Variants in CLIP1 observed in about 807,000 individuals in gnomAD.
The protein encoded by CLIP1 is CAP-Gly domain-containing linker protein 1.
A neutral mutation model predicts 161.6 loss-of-function variants in CLIP1; 66 were observed. That is an observed-to-expected ratio of 0.41 (90% CI 0.33 to 0.50). The LOEUF is 0.50. Ranked by LOEUF, CLIP1 falls within the 20% of genes least tolerant of loss-of-function variation. The probability of loss-of-function intolerance (pLI) is 0.27; values close to 1 mark genes in which losing one functional copy is unlikely to be tolerated. For missense variants in CLIP1, 1,376 were observed against 1,702.0 expected (o/e 0.81, Z 3.37); for synonymous variants, 598 against 626.2 (o/e 0.96, Z 0.67).
intron 21 of CLIP1, among the ~76,000 whole-genome samples, chr12:122,286,476 G>A (rs1264952152): frequency 2.3e-5 from 3 of 129,312 alleles, no homozygotes; most frequent in Non-Finnish European, 4.6e-5. Flanking sequence ...AGCCAAGATC[G>A]CGCCACTGCA....
chr12:122,397,553 CAAAAAAAAAAA>C (rs35589479), intron 1 of CLIP1, among the ~76,000 whole-genome samples: 10 of 66,864 alleles, frequency 1.5e-4, no homozygotes, highest in Middle Eastern at 0.015. Context: ...ACTCCATCTC[CAAAAAAAAAAA>C]AAAAAAAAAA....
chr12:122,356,502 G>C (rs1953371103), intron 5 of CLIP1, among the ~76,000 whole-genome samples: 1 of 152,202 alleles, frequency 6.6e-6, no homozygotes, highest in African/African-American at 2.4e-5. Flanking sequence ...TTGGTGATGA[G>C]AAATCAGATT....
Position 122,279,476 on chromosome 12 carries a change from A to T in CLIP1, c.3648-331T>A. The T allele has an allele frequency of 6.2e-6, 1 of 162,222 alleles. No individual in the cohort carries two copies. The highest frequency in any genetic ancestry group is 1.3e-5 in the Non-Finnish European group (1 of 75,110). 10.0% of individuals were successfully genotyped at this position (162,222 alleles called of 1,614,324 possible). A position where few individuals can be genotyped will look rare whatever the true frequency, so the allele number is the denominator to read the frequency against. On this transcript the variant is annotated intron_variant, in intron 21 of 25. Coordinates refer to ENST00000620786, the MANE Select transcript of CLIP1 (RefSeq NM_001247997.2). This position sits in a 1 kb window ranked among gnomAD's most constrained non-coding sequence, Gnocchi z 4.5. ...TTGCACCCTCCCCAATATTCTACTA[A>T]AATCTAACCCCAAGTTGAAGTTTGT...
At chr12:122,393,153 G>C (rs889502421) in intron 1 of CLIP1, among the ~76,000 whole-genome samples, 4 of 149,184 alleles carry the variant, frequency 2.7e-5, no homozygotes, top group Non-Finnish European at 4.4e-5. Context: ...ATTCACTGCA[G>C]ATTGGCAATC....
chr12:122,353,965 A>C (rs568592484), intron 7 of CLIP1, among the ~76,000 whole-genome samples: 1 of 152,192 alleles, frequency 6.6e-6, no homozygotes, highest in Non-Finnish European at 1.5e-5. Flanking sequence ...CTTATTGAAA[A>C]AAGTCAAATC....
chr12:122,336,302 T>C (rs989607000), intron 12 of CLIP1, among the ~76,000 whole-genome samples: 4 of 151,582 alleles, frequency 2.6e-5, no homozygotes, highest in Non-Finnish European at 5.9e-5. Flanking sequence ...CCTCATTCAA[T>C]ATGAAACCTA....
At chr12:122,354,005 G>C (rs1424460418) in intron 7 of CLIP1, among the ~76,000 whole-genome samples, 1 of 152,152 alleles carries the variant, frequency 6.6e-6, no homozygotes, top group Non-Finnish European at 1.5e-5. Flanking sequence ...CAGTATGGCA[G>C]AGTTCACCTT....
intron 15 of CLIP1, among the ~76,000 whole-genome samples, chr12:122,328,655 G>A (rs1034102553): frequency 1.3e-5 from 2 of 152,088 alleles, no homozygotes; most frequent in East Asian, 1.9e-4. Context: ...CATGATCTCC[G>A]CTCACTGCAA....
chr12:122,315,927 C>A (rs1368472714), intron 19 of CLIP1, among the ~76,000 whole-genome samples: 7 of 151,962 alleles, frequency 4.6e-5, no homozygotes, highest in Non-Finnish European at 1.5e-5. Flanking sequence ...AGGCATGAAC[C>A]ACCGTGCCTG....
rs534743396 is a variant in CLIP1, at chr12:122,316,353, G to A, written c.3473+396C>T. Among the ~76,000 whole-genome samples the A allele has an allele frequency of 5.3e-5, 8 of 152,060 alleles. No individual in the cohort carries two copies. The East Asian group carries it at 1.5e-3, about 29-fold the overall frequency. Reference sequence around the variant, plus strand: ...AGCCTCCTGAGTAATTGGCAAATAGGCACACACCACCATACCCAACTAATT... The same window carrying A: ...AGCCTCCTGAGTAATTGGCAAATAGACACACACCACCATACCCAACTAATT... On this transcript the variant is annotated intron_variant, in intron 19 of 25. Coordinates refer to ENST00000620786, the MANE Select transcript of CLIP1 (RefSeq NM_001247997.2).
At chr12:122,312,265 GC>G (rs1197148077) in intron 19 of CLIP1, among the ~76,000 whole-genome samples, 1 of 152,126 alleles carries the variant, frequency 6.6e-6, no homozygotes, top group African/African-American at 2.4e-5. Context: ...GATTACTTAT[GC>G]CCTTTTTTCC....
chr12:122,391,262 C>CA (rs1955648951), intron 1 of CLIP1, among the ~76,000 whole-genome samples: 1 of 151,150 alleles, frequency 6.6e-6, no homozygotes, highest in Non-Finnish European at 1.5e-5. Flanking sequence ...CACTCCAGCC[C>CA]GGGTGACAAA....
At chr12:122,404,319 G>A (rs1956242874) in intron 1 of CLIP1, among the ~76,000 whole-genome samples, 2 of 152,296 alleles carry the variant, frequency 1.3e-5, no homozygotes, top group African/African-American at 4.8e-5. Context: ...AGAATAGGCC[G>A]GGTGCAGTGG....
Position 122,271,826 on chromosome 12 carries a change from T to G in CLIP1, c.*1049A>C, listed in dbSNP as rs1170553440. On this transcript the variant is annotated 3_prime_UTR_variant, in exon 26 of 26. Coordinates refer to ENST00000620786, the MANE Select transcript of CLIP1 (RefSeq NM_001247997.2). Reference sequence around the variant, plus strand: ...TTAACGTTGAATTTCTCATCGTACATTCATCTAAAAACAGTAAAAAAACTT... The same window carrying G: ...TTAACGTTGAATTTCTCATCGTACAGTCATCTAAAAACAGTAAAAAAACTT... 1 of 152,652 alleles carries G rather than the reference T, an allele frequency of 6.6e-6. No homozygotes were observed. The highest frequency in any genetic ancestry group is 1.5e-5 in the Non-Finnish European group (1 of 68,034). The allele number at this position is 152,652 out of a possible 1,614,324, so 9.5% of individuals were successfully genotyped here.
chr12:122,379,089 C>T (rs1954880839), intron 2 of CLIP1, among the ~76,000 whole-genome samples: 1 of 151,902 alleles, frequency 6.6e-6, no homozygotes, highest in African/African-American at 2.4e-5. Context: ...CATGTCACTG[C>T]ACTCTTGCCT....
rs183863420 is a variant in CLIP1 at position 122,397,796 on chromosome 12, A to T, written c.-106-17238T>A. ...GAAACCCCATCTTTACTAAAAAAAA[A>T]ATATAAAAATTAGTCGAGAGTGGAG... On this transcript the variant is annotated intron_variant, in intron 1 of 25. Coordinates refer to ENST00000620786, the MANE Select transcript of CLIP1 (RefSeq NM_001247997.2). Among the ~76,000 whole-genome samples the T allele has an allele frequency of 2.0e-3, 297 of 151,764 alleles. 3 individuals are homozygous for T. Among genetic ancestry groups the T allele is most frequent in the African/African-American group, 6.3e-3 (262 of 41,396 alleles).
intron 5 of CLIP1, 144 bp downstream of exon 5, chr12:122,360,815 C>T: frequency 3.0e-6 from 2 of 666,480 alleles, no homozygotes; most frequent in Admixed American, 3.4e-5. Context: ...TCAAAACTTA[C>T]TTGCAAAGAC....
At chr12:122,294,272 T>G (rs1592997604) in intron 20 of CLIP1, among the ~76,000 whole-genome samples, 2 of 135,880 alleles carry the variant, frequency 1.5e-5, no homozygotes, top group South Asian at 4.6e-4. Context: ...GAGCTTGCAG[T>G]GAGCTGAGAT....
At position 122,326,959 on chromosome 12, in the gene CLIP1, T is replaced by C. The variant is rs561680587; in HGVS notation, c.3249+988A>G. On this transcript the variant is annotated intron_variant, in intron 17 of 25. Coordinates refer to ENST00000620786, the MANE Select transcript of CLIP1 (RefSeq NM_001247997.2). ...TGCACGGCACACACATACCATGTCA[T>C]GTCCACTTAGTTAGCAAGAGGCTTT... 3.9e-5 allele frequency among the ~76,000 whole-genome samples: 6 copies of C among 152,354 alleles called. 1 individual carries two copies. The highest frequency in any genetic ancestry group is 1.4e-4 in the African/African-American group (6 of 41,588).
Sources: allele counts gnomAD v4.1 joint callset (sites outside exome capture counted in the v4.1 genomes callset), GRCh38; gene constraint gnomAD v4.1.1; non-coding constraint Gnocchi (gnomAD v3.1); transcripts MANE v1.5; gene names NCBI Gene and HGNC (gene_info 2026-07-23, HGNC 2026-07-21).